Variants in ATP2C2 observed in about 807,000 individuals in gnomAD.
The protein encoded by ATP2C2 is ATPase secretory pathway Ca2+ transporting 2.
A neutral mutation model predicts 110.8 loss-of-function variants in ATP2C2; 171 were observed. The observed-to-expected ratio is 1.54, with a 90% CI of 1.36 to 1.75. The LOEUF is 1.75. Among genes scored for constraint, ATP2C2 ranks in the 40% most tolerant of loss-of-function variants. The pLI is 0.00. For synonymous variants in ATP2C2, 804 were observed against 508.4 expected (o/e 1.58, Z -7.82); for missense variants, 1,963 against 1,235.0 (o/e 1.59, Z -8.84).
intron 13 of ATP2C2, among the ~76,000 whole-genome samples, chr16:84,440,134 A>G (rs982895434): frequency 3.9e-5 from 6 of 152,098 alleles, no homozygotes; most frequent in Non-Finnish European, 8.8e-5. Flanking sequence ...CACCACGCCC[A>G]GCCTGTTTTA....
intron 1 of ATP2C2, among the ~76,000 whole-genome samples, chr16:84,387,073 G>A (rs1904353670): frequency 6.6e-6 from 1 of 152,150 alleles, no homozygotes. Context: ...GGGAAAAACT[G>A]TTTGGCAGTG....
chr16:84,373,653 G>A (rs980154333), intron 1 of ATP2C2, among the ~76,000 whole-genome samples: 2 of 152,196 alleles, frequency 1.3e-5, no homozygotes, highest in Non-Finnish European at 2.9e-5. Context: ...CAGGCCATGG[G>A]TACTGGGAGG....
At chr16:84,447,248 T>G (rs1377132095) in intron 16 of ATP2C2, among the ~76,000 whole-genome samples, 1 of 152,172 alleles carries the variant, frequency 6.6e-6, no homozygotes, top group Non-Finnish European at 1.5e-5. Context: ...GCCAGGCCCT[T>G]CCTGTGCATG....
intron 6 of ATP2C2, among the ~76,000 whole-genome samples, chr16:84,412,540 GTGTA>G (rs1296609956): frequency 1.6e-5 from 2 of 127,972 alleles, no homozygotes; most frequent in Non-Finnish European, 3.2e-5. Context: ...GTGTCTGTGT[GTGTA>G]TGCGTGTGTG....
chr16:84,437,145 G>C (rs1444097429), intron 11 of ATP2C2, among the ~76,000 whole-genome samples: 4 of 152,082 alleles, frequency 2.6e-5, no homozygotes, highest in Non-Finnish European at 5.9e-5. Context: ...ATGGTTTTTA[G>C]TGTATTCAGA....
chr16:84,445,810 AC>A (rs1177302432), intron 15 of ATP2C2, among the ~76,000 whole-genome samples: 1 of 151,916 alleles, frequency 6.6e-6, no homozygotes, highest in African/African-American at 2.4e-5. Context: ...CCGCATTTTC[AC>A]CCCCTGTGGG....
At chr16:84,447,101 T>C (rs1035650062) in intron 16 of ATP2C2, among the ~76,000 whole-genome samples, 1 of 152,194 alleles carries the variant, frequency 6.6e-6, no homozygotes, top group Non-Finnish European at 1.5e-5. Flanking sequence ...TTAAAAGCTA[T>C]TTTTTAAAGT....
intron 1 of ATP2C2, among the ~76,000 whole-genome samples, chr16:84,379,842 A>C (rs1054959101): frequency 6.6e-6 from 1 of 152,162 alleles, no homozygotes; most frequent in Non-Finnish European, 1.5e-5. Flanking sequence ...TGAGTATATA[A>C]TTACACACTG....
chr16:84,460,556 G>T (rs756044312), intron 23 of ATP2C2, 98 bp from the exon 24 acceptor site: 2 of 1,564,160 alleles, frequency 1.3e-6, no homozygotes, highest in South Asian at 1.1e-5. Context: ...CCTGCCCCCT[G>T]TGCCAACTTG....
chr16:84,369,594 G>T (rs1391437416), intron 1 of ATP2C2, among the ~76,000 whole-genome samples: 1 of 151,824 alleles, frequency 6.6e-6, no homozygotes, highest in Admixed American at 6.6e-5. Flanking sequence ...ATATGACTTG[G>T]CGATGGCCTT....
intron 7 of ATP2C2, 151 bp downstream of exon 7, chr16:84,415,742 G>C: frequency 1.6e-6 from 1 of 634,856 alleles, no homozygotes; most frequent in Non-Finnish European, 2.7e-6. Flanking sequence ...GAAGTTAGCA[G>C]ACAAGCGTGT....
At chr16:84,438,085 C>T (rs1908906934) in intron 11 of ATP2C2, among the ~76,000 whole-genome samples, 1 of 152,116 alleles carries the variant, frequency 6.6e-6, no homozygotes, top group African/African-American at 2.4e-5. Flanking sequence ...AAAGTGTATT[C>T]TGCTGTATAG....
At position 84,410,770 on chromosome 16, in the gene ATP2C2, G is replaced by T. The variant is rs1906211199; in HGVS notation, c.515+5G>T. Reference sequence around the variant, plus strand: ...GGTTCCTCCAGAATGTAACTGGTAAGTCAGAGCCTCCCTGGGACTTTTTGG... The same window carrying T: ...GGTTCCTCCAGAATGTAACTGGTAATTCAGAGCCTCCCTGGGACTTTTTGG... On this transcript the variant is annotated splice_donor_5th_base_variant and intron_variant, in intron 6 of 26. Transcript: ENST00000262429. 6.2e-7 allele frequency: 1 copy of T among 1,613,576 alleles called. No homozygotes were observed. The highest frequency in any genetic ancestry group is 1.1e-5 in the South Asian group (1 of 91,080).
chr16:84,398,610 G>GT lies in ATP2C2; in HGVS notation c.210+2dup. ...AGAGGATTTGGCCAGAGCGTTTTGT[G>GT]TAAGAATTGAATTTGCATCTGGAGC... On this transcript the variant is annotated splice_donor_variant, in intron 2 of 26. Transcript: ENST00000262429. LOFTEE classifies it high-confidence loss of function. The GT allele has an allele frequency of 1.2e-6, 2 of 1,603,168 alleles. No homozygotes were observed. Among genetic ancestry groups the GT allele is most frequent in the Non-Finnish European group, 1.7e-6 (2 of 1,174,180 alleles).
chr16:84,451,930 T>C lies in ATP2C2; in HGVS notation c.1670T>C (p.Leu557Pro), dbSNP rs1424782475. The C allele has an allele frequency of 6.2e-7, 1 of 1,613,970 alleles. No homozygotes were observed. Among genetic ancestry groups the C allele is most frequent in the South Asian group, 1.1e-5 (1 of 91,060 alleles). Residue 557 changes from leucine to proline, a missense_variant, in exon 18 of 27, where the codon CTG becomes CCG. Leu to Pro is a moderately conservative substitution (Grantham distance 98, BLOSUM62 -3). Transcript: ENST00000262429. ...MGSLGLRVLA[L>P]ASGPELGRLT... ...CCCCCTCTCTCCTCAGTGCTGGCCC[T>C]GGCTTCTGGGCCCGAGCTGGGGCGG...
chr16:84,443,301 C>A (rs1443327769), intron 15 of ATP2C2, among the ~76,000 whole-genome samples: 1 of 152,200 alleles, frequency 6.6e-6, no homozygotes, highest in Non-Finnish European at 1.5e-5. Context: ...ACGTCTGTTT[C>A]CATGGCCACT....
intron 1 of ATP2C2, among the ~76,000 whole-genome samples, chr16:84,376,522 AT>A (rs1260618060): frequency 7.0e-6 from 1 of 143,114 alleles, no homozygotes; most frequent in Non-Finnish European, 1.6e-5. Flanking sequence ...ACATTATGAG[AT>A]TTTTTTTGGC....
chr16:84,453,002 G>A (rs1910435046), intron 18 of ATP2C2, 136 bp from the exon 19 acceptor site: 3 of 828,578 alleles, frequency 3.6e-6, no homozygotes, highest in Middle Eastern at 3.6e-4. Context: ...CCGAGGCCGT[G>A]CAGCATGGTA....
intron 1 of ATP2C2, among the ~76,000 whole-genome samples, chr16:84,371,971 C>T (rs1355761989): frequency 1.3e-5 from 2 of 152,144 alleles, no homozygotes; most frequent in Non-Finnish European, 2.9e-5. Flanking sequence ...TTAATGCCAA[C>T]GTGTCAGAGC....
Sources: allele counts gnomAD v4.1 joint callset (sites outside exome capture counted in the v4.1 genomes callset), GRCh38; gene constraint gnomAD v4.1.1; transcripts MANE v1.5; gene names NCBI Gene and HGNC (gene_info 2026-07-23, HGNC 2026-07-21).